Variants in GALNT10 observed in about 807,000 individuals in gnomAD.
GALNT10 encodes the protein polypeptide N-acetylgalactosaminyltransferase 10, also known as GalNAc transferase 10.
A neutral mutation model predicts 75.0 loss-of-function variants in GALNT10; 41 were observed. The observed-to-expected ratio is 0.55, with a 90% CI of 0.43 to 0.71. The LOEUF is 0.71. Among genes scored for constraint, GALNT10 ranks in the 30% least tolerant of loss-of-function variants. The probability of loss-of-function intolerance (pLI) is 0.00; values close to 1 mark genes in which losing one functional copy is unlikely to be tolerated. For synonymous variants in GALNT10, 302 were observed against 313.0 expected (o/e 0.96, Z 0.37); for missense variants, 727 against 818.5 (o/e 0.89, Z 1.36).
At position 154,419,043 on chromosome 5, in the gene GALNT10, A is replaced by G. The variant is rs1265634237; in HGVS notation, c.*2071A>G. The G allele has an allele frequency of 1.3e-5, 2 of 152,482 alleles. No individual in the cohort carries two copies. The highest frequency in any genetic ancestry group is 1.5e-5 in the Non-Finnish European group (1 of 68,032). The allele number at this position is 152,482 out of a possible 1,614,324, so 9.4% of individuals were successfully genotyped here. ...AATCCCTAAACTTGAACCATTTCCTAGTGCCTTGCTAGACAAACATAAAGG... is the reference window on the plus strand; with the variant it reads ...AATCCCTAAACTTGAACCATTTCCTGGTGCCTTGCTAGACAAACATAAAGG... On this transcript the variant is annotated 3_prime_UTR_variant, in exon 12 of 12. Coordinates refer to ENST00000297107, the MANE Select transcript of GALNT10 (RefSeq NM_198321.4).
intron 4 of GALNT10, among the ~76,000 whole-genome samples, chr5:154,358,669 C>T (rs1755334727): frequency 1.3e-5 from 2 of 152,212 alleles, no homozygotes; most frequent in African/African-American, 2.4e-5. Context: ...CCAGTAATGA[C>T]GGTGCTCCCA....
intron 1 of GALNT10, among the ~76,000 whole-genome samples, chr5:154,278,689 C>A (rs143346372): frequency 6.6e-6 from 1 of 152,236 alleles, no homozygotes; most frequent in East Asian, 1.9e-4. Flanking sequence ...AACAATAACT[C>A]CCTGTAAACA....
chr5:154,331,324 C>T (rs1421499445), intron 4 of GALNT10, among the ~76,000 whole-genome samples: 1 of 152,162 alleles, frequency 6.6e-6, no homozygotes, highest in Non-Finnish European at 1.5e-5. Flanking sequence ...CAAAGCGAGG[C>T]CTATGAGCCT....
chr5:154,380,402 C>T, intron 5 of GALNT10, 46 bp from the exon 6 acceptor site: 16 of 1,486,890 alleles, frequency 1.1e-5, no homozygotes, highest in Non-Finnish European at 1.5e-5. Context: ...CACTTAGCTG[C>T]TTCCCCATCC....
chr5:154,199,148 G>A (rs1321880137), intron 1 of GALNT10, among the ~76,000 whole-genome samples: 1 of 152,162 alleles, frequency 6.6e-6, no homozygotes, highest in Admixed American at 6.5e-5. Flanking sequence ...CCTTAGGAAT[G>A]GTTCTTCTTG....
rs888979 is a variant in GALNT10, at chr5:154,417,315, A to G, written c.*343A>G. ...ACACCAAGGTAGCCTAGGCCACCCAAAAGTGAGTCCTGCGAGGTTGCCCAG... is the reference window on the plus strand; with the variant it reads ...ACACCAAGGTAGCCTAGGCCACCCAGAAGTGAGTCCTGCGAGGTTGCCCAG... On this transcript the variant is annotated 3_prime_UTR_variant, in exon 12 of 12. Transcript: ENST00000297107. 0.26 allele frequency: 52,853 copies of G among 205,602 alleles called. 7,970 individuals carry two copies. The highest frequency in any genetic ancestry group is 0.41 in the Admixed American group (7,570 of 18,464). The allele number at this position is 205,602 out of a possible 1,614,324, so 12.7% of individuals were successfully genotyped here.
intron 4 of GALNT10, among the ~76,000 whole-genome samples, chr5:154,336,436 T>C (rs980840202): frequency 1.3e-5 from 2 of 152,350 alleles, no homozygotes; most frequent in Admixed American, 6.5e-5. Context: ...GGCTGTACCA[T>C]TTTGCATTTC....
At chr5:154,237,738 C>T (rs950034914) in intron 1 of GALNT10, among the ~76,000 whole-genome samples, 4 of 152,106 alleles carry the variant, frequency 2.6e-5, no homozygotes, top group Admixed American at 6.6e-5. Flanking sequence ...TTTTCTGATG[C>T]GTAGATGGGG....
chr5:154,264,501 T>A (rs918387345), intron 1 of GALNT10, among the ~76,000 whole-genome samples: 1 of 152,128 alleles, frequency 6.6e-6, no homozygotes, highest in African/African-American at 2.4e-5. Flanking sequence ...TACTTCCATG[T>A]GACTCAGAAA....
intron 4 of GALNT10, among the ~76,000 whole-genome samples, chr5:154,339,797 C>G (rs1403498585): frequency 6.6e-6 from 1 of 152,170 alleles, no homozygotes; most frequent in African/African-American, 2.4e-5. Context: ...AAAGTCTAAC[C>G]TTTTCCACTG....
chr5:154,191,780 G>A (rs1774864999), intron 1 of GALNT10, among the ~76,000 whole-genome samples: 1 of 152,262 alleles, frequency 6.6e-6, no homozygotes, highest in South Asian at 2.1e-4. Context: ...GGTGCCCAGT[G>A]TCCTGAGGAT....
chr5:154,280,361 G>A (rs181231026), intron 1 of GALNT10, among the ~76,000 whole-genome samples: 3 of 152,272 alleles, frequency 2.0e-5, no homozygotes, highest in East Asian at 1.9e-4. Context: ...GATGACTGTA[G>A]TAAACAATAA....
chr5:154,380,241 T>G (rs1755712797), intron 5 of GALNT10, among the ~76,000 whole-genome samples: 1 of 152,192 alleles, frequency 6.6e-6, no homozygotes, highest in South Asian at 2.1e-4. Flanking sequence ...TTTGTGCAGC[T>G]GCCTCAGGGC....
chr5:154,387,293 G>T (rs1388854736), intron 7 of GALNT10: 1 of 152,202 alleles, frequency 6.6e-6, no homozygotes, highest in Non-Finnish European at 1.5e-5. Flanking sequence ...AGTCTGTCTT[G>T]TTCTCAAGTG....
intron 4 of GALNT10, among the ~76,000 whole-genome samples, chr5:154,339,172 T>C (rs1288568154): frequency 1.3e-5 from 2 of 152,066 alleles, no homozygotes; most frequent in Non-Finnish European, 2.9e-5. Flanking sequence ...CTCATAATCA[T>C]CTCCTCCTCA....
chr5:154,395,936 GC>G (rs1756008559), intron 7 of GALNT10, among the ~76,000 whole-genome samples: 1 of 152,192 alleles, frequency 6.6e-6, no homozygotes, highest in Non-Finnish European at 1.5e-5. Flanking sequence ...GTTTCAACAT[GC>G]CCTGCAGGTG....
chr5:154,371,474 C>T (rs1755562755), intron 4 of GALNT10, among the ~76,000 whole-genome samples: 1 of 132,572 alleles, frequency 7.5e-6, no homozygotes, highest in Non-Finnish European at 1.7e-5. Flanking sequence ...TCAGACCAGA[C>T]AGGAGGGAGA....
chr5:154,209,107 C>T (rs2081014), intron 1 of GALNT10, among the ~76,000 whole-genome samples: 67,713 of 152,062 alleles, frequency 0.45, 15,908 homozygotes, highest in East Asian at 0.78. Flanking sequence ...AGCTGTTGGT[C>T]GCTGGATGCC....
Position 154,213,254 on chromosome 5 carries a change from G to A in GALNT10, c.159+22229G>A, listed in dbSNP as rs147455793. ...AAGAGTTGAGATGAGAGAAGTAAGT[G>A]GTAACTACAGCTACCACTCTTCATT... On this transcript the variant is annotated intron_variant, in intron 1 of 11. Transcript: ENST00000297107. 1.1e-3 allele frequency among the ~76,000 whole-genome samples: 160 copies of A among 152,242 alleles called. 1 individual carries two copies. Among genetic ancestry groups the A allele is most frequent in the African/African-American group, 3.7e-3 (153 of 41,538 alleles).
Sources: gnomAD v4.1 joint callset for allele counts (sites outside exome capture counted in the v4.1 genomes callset) on GRCh38, gnomAD v4.1.1 for gene constraint, MANE v1.5 for transcripts, NCBI Gene and HGNC (gene_info 2026-07-23, HGNC 2026-07-21) for gene names.